NKX2-5: variants seen among roughly 807,000 people sequenced by gnomAD.
NKX2-5 encodes homeobox protein Nkx-2.5.
Under a neutral mutation model 24.5 loss-of-function variants are expected in NKX2-5, and 3 were observed. The observed-to-expected ratio is 0.12, with a 90% CI of 0.06 to 0.32. NKX2-5 has a LOEUF of 0.32. Among genes scored for constraint, NKX2-5 ranks in the 10% least tolerant of loss-of-function variants. NKX2-5 has a pLI of 1.00. For missense variants in NKX2-5, 429 were observed against 452.4 expected, an observed-to-expected ratio of 0.95 and a Z score of 0.47; for synonymous variants, 215 against 217.6, an observed-to-expected ratio of 0.99 and a Z score of 0.11.
intron 1 of NKX2-5, chr5:173,234,338 C>T (rs1015562720): frequency 9.5e-5 from 93 of 979,198 alleles, no homozygotes; most frequent in South Asian, 6.6e-4. Flanking sequence ...AGCAACATTT[C>T]AATTTCTGTT....
intron 1 of NKX2-5, chr5:173,233,745 A>T: frequency 2.8e-6 from 2 of 721,122 alleles, no homozygotes; most frequent in Non-Finnish European, 3.4e-6. Flanking sequence ...AGTGTCCAAG[A>T]AGCTGCGGGT....
In NKX2-5 at chr5:173,232,626, G is replaced by A; in HGVS notation, c.918C>T (p.Pro306=). The part of the protein sequence containing the change: ...GVGDLNAVQS[P]GIPQSNSGVS... ...CTCCCGAGTTGCTCTGCGGAATCCCGGGGCTCTGAACCGCATTCAAGTCCC... is the reference window on the plus strand; with the variant it reads ...CTCCCGAGTTGCTCTGCGGAATCCCAGGGCTCTGAACCGCATTCAAGTCCC... Residue 306 remains proline (P), a synonymous_variant, in exon 2 of 2, where the codon CCC becomes CCT. Coordinates refer to ENST00000329198, the MANE Select transcript of NKX2-5 (RefSeq NM_004387.4). The surrounding 1 kb of genome is among the most constrained non-coding windows in gnomAD (Gnocchi z 5.9). 2 of 1,613,542 alleles carry A rather than the reference G, an allele frequency of 1.2e-6. No individual in the cohort carries two copies. The highest frequency in any genetic ancestry group is 1.3e-5 in the African/African-American group (1 of 75,056).
chr5:173,232,470 C>T lies in NKX2-5; in HGVS notation c.*99G>A. 6.5e-7 allele frequency: 1 copy of T among 1,547,940 alleles called. No individual in the cohort carries two copies. Among genetic ancestry groups the T allele is most frequent in the South Asian group, 1.2e-5 (1 of 85,858 alleles). On this transcript the variant is annotated 3_prime_UTR_variant, in exon 2 of 2. Transcript: ENST00000329198. The surrounding 1 kb of genome is among the most constrained non-coding windows in gnomAD (Gnocchi z 5.9). ...TCTCCGCAGGAGTGAATGCAAAATC[C>T]AGGGGACTCAGGGTCATGTTGGGAG...
Position 173,234,997 on chromosome 5 carries a change from G to A in NKX2-5, c.87C>T (p.Ala29=), listed in dbSNP as rs112320174. Residue 29 remains alanine, a synonymous_variant, in exon 1 of 2, where the codon GCC becomes GCT. Coordinates refer to ENST00000329198, the MANE Select transcript of NKX2-5 (RefSeq NM_004387.4). The part of the protein sequence containing the change: ...NLEQQQRSLA[A]AGELSARLEA... ...CCAGGCGGGCAGAGAGCTCTCCGGC[G>A]GCAGCCAGGCTGCGCTGCTGCTGTT... The A allele has an allele frequency of 3.1e-6, 5 of 1,612,172 alleles. No homozygotes were observed. Among genetic ancestry groups the A allele is most frequent in the African/African-American group, 1.3e-5 (1 of 74,938 alleles).
intron 1 of NKX2-5, 119 bp downstream of exon 1, chr5:173,234,631 A>AC (rs1312237348): frequency 5.7e-5 from 51 of 900,174 alleles, no homozygotes; most frequent in Non-Finnish European, 7.4e-5. Context: ...TACATTCTGA[A>AC]CCCCCCGCCG....
chr5:173,233,538 A>T (rs1761388585), intron 1 of NKX2-5: 2 of 948,518 alleles, frequency 2.1e-6, no homozygotes, highest in Non-Finnish European at 3.2e-6. Context: ...AAAATAAAAA[A>T]ATAAAAATAA....
At chr5:173,233,526 A>AAAAAAAAAAAAAAT in intron 1 of NKX2-5, 1 of 885,672 alleles carries the variant, frequency 1.1e-6, no homozygotes, top group Non-Finnish European at 1.7e-6. Context: ...AAAATAAATA[A>AAAAAAAAAAAAAAT]AAAAATAAAA....
chr5:173,234,272 GC>G (rs1561620883), intron 1 of NKX2-5: 1 of 1,203,624 alleles, frequency 8.3e-7, no homozygotes, highest in Non-Finnish European at 1.1e-6. Context: ...TCGTGGGTGG[GC>G]TGCAGAAAGA....
Position 173,234,836 on chromosome 5 carries a change from G to T in NKX2-5, c.248C>A (p.Ala83Glu). ...GGCGGGGGCGGCGGGAAAGGCAGAC[G>T]CACACTTGGCCGGTGAAGGCGCGCG... ...LGRAPSPAKCASAFPAAPAFY... is the reference protein window; with the variant it reads ...LGRAPSPAKCESAFPAAPAFY... The change falls in exon 1 of 2, where the codon GCG (alanine) becomes GAG (glutamate). Residue 83 changes from alanine to glutamate, a missense_variant. Physicochemically the swap from Ala to Glu is moderately radical, Grantham distance 107. Coordinates refer to ENST00000329198, the MANE Select transcript of NKX2-5 (RefSeq NM_004387.4). The T allele has an allele frequency of 6.3e-7, 1 of 1,586,318 alleles. No individual in the cohort carries two copies. Among genetic ancestry groups the T allele is most frequent in the Non-Finnish European group, 8.6e-7 (1 of 1,168,852 alleles).
rs1010292663 is a variant in NKX2-5, at chr5:173,232,425, G to A, written c.*144C>T. On this transcript the variant is annotated 3_prime_UTR_variant, in exon 2 of 2. Transcript: ENST00000329198. This position sits in a 1 kb window ranked among gnomAD's most constrained non-coding sequence, Gnocchi z 5.9. ...CCGTGCGCAAGAACAAACGCGCGTGGGACAGAAAAAGTTCCTAGGTCTCCG... is the reference window on the plus strand; with the variant it reads ...CCGTGCGCAAGAACAAACGCGCGTGAGACAGAAAAAGTTCCTAGGTCTCCG... 2.0e-5 allele frequency: 29 copies of A among 1,440,176 alleles called. No individual in the cohort carries two copies. Among genetic ancestry groups the A allele is most frequent in the South Asian group, 2.6e-5 (2 of 78,042 alleles). 89.2% of individuals were successfully genotyped at this position (1,440,176 alleles called of 1,614,324 possible). A position where few individuals can be genotyped will look rare whatever the true frequency, so the allele number is the denominator to read the frequency against.
intron 1 of NKX2-5, chr5:173,233,933 G>A (rs868241468): frequency 5.1e-6 from 6 of 1,184,150 alleles, no homozygotes; most frequent in Admixed American, 4.0e-5. Flanking sequence ...GCGGCCTCCC[G>A]GGAATCGCCC....
At chr5:173,234,648 A>T in intron 1 of NKX2-5, 102 bp downstream of exon 1, 1 of 1,061,622 alleles carries the variant, frequency 9.4e-7, no homozygotes, top group Non-Finnish European at 1.3e-6. Flanking sequence ...GCCGCAGCCC[A>T]GCCCTCGGCC....
At chr5:173,233,298 G>C (rs1761369235) in intron 1 of NKX2-5, 89 bp from the exon 2 acceptor site, 1 of 1,544,854 alleles carries the variant, frequency 6.5e-7, no homozygotes, top group African/African-American at 1.4e-5. Context: ...AGGGATCCTC[G>C]TGGAGGCCAC....
chr5:173,233,176 T>C lies in NKX2-5; in HGVS notation c.368A>G (p.Glu123Gly). ...CTCCGCGTTGTCCGCCTCTGTCTTC[T>C]CCAGCTCCACCGCCTTCTGCAGCGC... ...LCALQKAVEL[E>G]KTEADNAERP... Residue 123 changes from glutamate (E) to glycine (G), a missense_variant, in exon 2 of 2, where the codon GAG becomes GGG. By Grantham distance (98) the Glu-to-Gly change is moderately conservative. Transcript: ENST00000329198. The C allele has an allele frequency of 6.2e-7, 1 of 1,603,072 alleles. No individual in the cohort carries two copies. Among genetic ancestry groups the C allele is most frequent in the Non-Finnish European group, 8.5e-7 (1 of 1,178,866 alleles).
chr5:173,234,399 T>TA, intron 1 of NKX2-5: 8 of 787,098 alleles, frequency 1.0e-5, no homozygotes, highest in Non-Finnish European at 1.2e-5. Flanking sequence ...AAAGGAGATT[T>TA]AAAAACAGAG....
At chr5:173,233,842 C>T (rs1164366087) in intron 1 of NKX2-5, 1 of 985,326 alleles carries the variant, frequency 1.0e-6, no homozygotes, top group African/African-American at 1.7e-5. Flanking sequence ...GAATTTGTTC[C>T]CAGGCCTCTG....
chr5:173,234,907 G>C lies in NKX2-5; in HGVS notation c.177C>G (p.Pro59=), dbSNP rs1468292188. 1.2e-6 allele frequency: 2 copies of C among 1,607,906 alleles called. No homozygotes were observed. The highest frequency in any genetic ancestry group is 8.5e-7 in the Non-Finnish European group (1 of 1,177,242). ...AAFKPEAYAG[P]EAAAPGLPEL... is the part of the protein sequence containing the mutation. The stretch of plus-strand genomic sequence containing the variant: ...CTGGGAGGCCCGGCGCAGCCGCCTC[G>C]GGCCCAGCGTAGGCCTCTGGCTTGA... The change falls in exon 1 of 2, where the codon CCC becomes CCG. Residue 59 remains proline, a synonymous_variant. Coordinates refer to ENST00000329198, the MANE Select transcript of NKX2-5 (RefSeq NM_004387.4).
chr5:173,233,563 C>A, intron 1 of NKX2-5: 1 of 813,830 alleles, frequency 1.2e-6, no homozygotes, highest in South Asian at 1.7e-5. Context: ...AGGTGATGCT[C>A]TGGGGTGAAC....
intron 1 of NKX2-5, chr5:173,233,996 G>C (rs1174860040): frequency 8.0e-7 from 1 of 1,257,294 alleles, no homozygotes; most frequent in Admixed American, 2.6e-5. Flanking sequence ...TCTGCAGCGG[G>C]GCCGGCCTCC....
Sources: allele counts gnomAD v4.1 joint callset, GRCh38; gene constraint gnomAD v4.1.1; non-coding constraint Gnocchi (gnomAD v3.1); transcripts MANE v1.5; gene names NCBI Gene and HGNC (gene_info 2026-07-23, HGNC 2026-07-21).